Variants in ZNF385B observed in about 807,000 individuals in gnomAD.
The protein encoded by ZNF385B is zinc finger protein 533.
Under a neutral mutation model 39.2 loss-of-function variants are expected in ZNF385B, and 23 were observed. The observed-to-expected ratio is 0.59, with a 90% CI of 0.42 to 0.83. The LOEUF (loss-of-function observed/expected upper bound fraction) is 0.83. Ranked by LOEUF, ZNF385B falls within the 40% of genes least tolerant of loss-of-function variation. The pLI, the probability that ZNF385B is intolerant of heterozygous loss-of-function variation, is 0.00. For missense variants in ZNF385B, 552 were observed against 598.9 expected (o/e 0.92, Z 0.82); for synonymous variants, 205 against 222.6 (o/e 0.92, Z 0.70).
rs1574942031 is a variant in ZNF385B, at chr2:179,597,907, A to G, written c.299-52938T>C. The stretch of plus-strand genomic sequence containing the variant: ...TGAAAAGATTAATTCAACTTTCACA[A>G]TGTGAAGAAGTAAAAATCATCTTCA... On this transcript the variant is annotated intron_variant, in intron 3 of 9. Coordinates refer to ENST00000410066, the MANE Select transcript of ZNF385B (RefSeq NM_152520.6). 2.6e-5 allele frequency among the ~76,000 whole-genome samples: 4 copies of G among 152,324 alleles called. No homozygotes were observed. In the Middle Eastern group the frequency reaches 0.01, roughly 389 times the overall value.
intron 3 of ZNF385B, among the ~76,000 whole-genome samples, chr2:179,602,451 C>A (rs1363908905): frequency 1.3e-5 from 2 of 151,952 alleles, no homozygotes; most frequent in African/African-American, 2.4e-5. Context: ...CTGCCTTGGC[C>A]TCCTCCCAAA....
At chr2:179,773,180 A>T (rs1220516774) in intron 1 of ZNF385B, among the ~76,000 whole-genome samples, 1 of 152,080 alleles carries the variant, frequency 6.6e-6, no homozygotes, top group Non-Finnish European at 1.5e-5. Flanking sequence ...AATAATTTGA[A>T]AAAAAAAGGA....
At chr2:179,726,229 T>C (rs1489269943) in intron 3 of ZNF385B, among the ~76,000 whole-genome samples, 2 of 152,060 alleles carry the variant, frequency 1.3e-5, no homozygotes, top group African/African-American at 4.8e-5. Flanking sequence ...TAAAATCTCA[T>C]TGATTTATTG....
At chr2:179,818,453 C>T (rs1274647542) in intron 1 of ZNF385B, among the ~76,000 whole-genome samples, 1 of 152,100 alleles carries the variant, frequency 6.6e-6, no homozygotes, top group Non-Finnish European at 1.5e-5. Context: ...CACTAAGTGG[C>T]TCTTTAAATC....
At chr2:179,536,164 T>A (rs1339957012) in intron 4 of ZNF385B, among the ~76,000 whole-genome samples, 3 of 152,194 alleles carry the variant, frequency 2.0e-5, no homozygotes, top group African/African-American at 7.2e-5. Flanking sequence ...TGAGAGAAGC[T>A]AAGAATTTTT....
chr2:179,745,673 C>T (rs945701199), intron 3 of ZNF385B: 12 of 1,512,740 alleles, frequency 7.9e-6, no homozygotes, highest in Admixed American at 6.3e-5. Flanking sequence ...TACTGACATC[C>T]CAGACCCCAG....
chr2:179,493,784 C>CATATATGTATATATACAT (rs1559338478), intron 5 of ZNF385B, among the ~76,000 whole-genome samples: 5 of 88,500 alleles, frequency 5.6e-5, no homozygotes, highest in Non-Finnish European at 1.2e-4. Flanking sequence ...TGTATATACA[C>CATATATGTATATATACAT]ATATGTATAC....
At position 179,446,730 on chromosome 2, in the gene ZNF385B, T is replaced by C. The variant is rs201407317; in HGVS notation, c.756A>G (p.Pro252=). 5.4e-5 allele frequency: 87 copies of C among 1,613,858 alleles called. No individual in the cohort carries two copies. The highest frequency in any genetic ancestry group is 6.9e-5 in the Non-Finnish European group (82 of 1,179,946). The change falls in exon 7 of 10, where the codon CCA becomes CCG. Residue 252 remains proline (P), a synonymous_variant. Transcript: ENST00000410066. ...GAAATGAGCCACTTTCAGAGCTTGA[T>C]GGCTGACTGGAACTGCTGGCTTTTA... ...GKLKASSSSQ[P]SSSESGSFLL...
At chr2:179,698,434 C>G (rs911387842) in intron 3 of ZNF385B, among the ~76,000 whole-genome samples, 3 of 152,156 alleles carry the variant, frequency 2.0e-5, no homozygotes, top group African/African-American at 7.2e-5. Flanking sequence ...TCTGACATCT[C>G]AAAAAAGCAT....
intron 6 of ZNF385B, among the ~76,000 whole-genome samples, chr2:179,467,897 C>T (rs1404626826): frequency 6.6e-6 from 1 of 152,062 alleles, no homozygotes; most frequent in Non-Finnish European, 1.5e-5. Context: ...AGTCTAAAAC[C>T]AGCCCTGCAT....
rs146766330 is a variant in ZNF385B, at chr2:179,537,816, T to C, written c.441+7011A>G. 2.5e-3 allele frequency among the ~76,000 whole-genome samples: 381 copies of C among 152,024 alleles called. 1 individual carries two copies. Among genetic ancestry groups the C allele is most frequent in the African/African-American group, 8.6e-3 (357 of 41,466 alleles). ...AAAATTTTCTAGGCATAGAAATCAATGCTTAAATATTTGTACAAAATCTTT... is the reference window on the plus strand; with the variant it reads ...AAAATTTTCTAGGCATAGAAATCAACGCTTAAATATTTGTACAAAATCTTT... On this transcript the variant is annotated intron_variant, in intron 4 of 9. Coordinates refer to ENST00000410066, the MANE Select transcript of ZNF385B (RefSeq NM_152520.6).
At chr2:179,444,658 A>C (rs1299137046) in intron 9 of ZNF385B, among the ~76,000 whole-genome samples, 1 of 152,236 alleles carries the variant, frequency 6.6e-6, no homozygotes, top group Non-Finnish European at 1.5e-5. Flanking sequence ...CTTGGTAAAG[A>C]GTAAAATATT....
chr2:179,592,560 A>C (rs895556521), intron 3 of ZNF385B, among the ~76,000 whole-genome samples: 2 of 152,214 alleles, frequency 1.3e-5, no homozygotes, highest in African/African-American at 4.8e-5. Flanking sequence ...GGAAAGTGCT[A>C]ATACTTATTA....
intron 1 of ZNF385B, among the ~76,000 whole-genome samples, chr2:179,859,319 G>C (rs1684852688): frequency 6.6e-6 from 1 of 152,054 alleles, no homozygotes; most frequent in Non-Finnish European, 1.5e-5. Flanking sequence ...TTTTTGCTCT[G>C]TGAATCTGTA....
At chr2:179,474,448 C>T (rs2053191360) in intron 6 of ZNF385B, among the ~76,000 whole-genome samples, 1 of 151,970 alleles carries the variant, frequency 6.6e-6, no homozygotes, top group African/African-American at 2.4e-5. Flanking sequence ...TGGCAAAAAC[C>T]ATGATTACTT....
chr2:179,632,302 TA>T (rs1422645002), intron 3 of ZNF385B, among the ~76,000 whole-genome samples: 8 of 152,176 alleles, frequency 5.3e-5, no homozygotes, highest in African/African-American at 1.7e-4. Flanking sequence ...TAATCGGAAG[TA>T]AAGCACTCCT....
chr2:179,856,109 T>C (rs1684576168), intron 1 of ZNF385B, among the ~76,000 whole-genome samples: 1 of 152,190 alleles, frequency 6.6e-6, no homozygotes, highest in Admixed American at 6.5e-5. Flanking sequence ...TCACTGTTTT[T>C]CTAAAGTTCC....
intron 6 of ZNF385B, among the ~76,000 whole-genome samples, chr2:179,468,915 G>A (rs2052420514): frequency 6.6e-6 from 1 of 152,130 alleles, no homozygotes; most frequent in African/African-American, 2.4e-5. Context: ...TCAGGGGTTG[G>A]ACTGCCCAGG....
chr2:179,594,796 TC>T (rs1490488538), intron 3 of ZNF385B, among the ~76,000 whole-genome samples: 2 of 52,722 alleles, frequency 3.8e-5, no homozygotes, highest in Non-Finnish European at 5.3e-5. Flanking sequence ...ATAGGTAAAC[TC>T]TTTTTTTTTT....
Sources: gnomAD v4.1 joint callset for allele counts (sites outside exome capture counted in the v4.1 genomes callset) on GRCh38, gnomAD v4.1.1 for gene constraint, MANE v1.5 for transcripts, NCBI Gene and HGNC (gene_info 2026-07-23, HGNC 2026-07-21) for gene names.